Variants in RELN observed in about 807,000 individuals in gnomAD.
RELN encodes reelin.
In RELN, 108 loss-of-function variants were observed where a neutral mutation model predicts 427.6. The ratio of observed to expected loss-of-function variants is 0.25; its 90% CI spans 0.22 to 0.30. RELN has a LOEUF of 0.30. Among genes scored for constraint, RELN ranks in the 10% least tolerant of loss-of-function variants. The probability of loss-of-function intolerance (pLI) is 1.00; values close to 1 mark genes in which losing one functional copy is unlikely to be tolerated. For missense variants in RELN, 3,715 were observed against 4,302.8 expected (o/e 0.86, Z 3.82); for synonymous variants, 1,524 against 1,513.4 (o/e 1.01, Z -0.16).
intron 1 of RELN, among the ~76,000 whole-genome samples, chr7:103,941,841 G>A (rs573720673): frequency 8.6e-5 from 13 of 151,938 alleles, no homozygotes; most frequent in East Asian, 1.9e-4. Flanking sequence ...TCAGGGATCC[G>A]CAGAACACTA....
In RELN at chr7:103,594,326, G is replaced by A. The variant is rs750302438; in HGVS notation, c.3706C>T (p.Pro1236Ser). Reference sequence around the variant, plus strand: ...GTTCAGACATAGGAGAATACCTGAGGTAAAGTTGGATTGATAACTGGGATG... The same window carrying A: ...GTTCAGACATAGGAGAATACCTGAGATAAAGTTGGATTGATAACTGGGATG... ...QIIPVINPTL[P>S]QNFYEKPAFD... The change falls in exon 26 of 65, where the codon CCT becomes TCT. Residue 1236 changes from proline (P) to serine (S), a missense_variant. This residue lies in a region of RELN where 2,208 missense variants were observed against 2,361.7 expected (regional missense o/e 0.93). Coordinates refer to ENST00000428762, the MANE Select transcript of RELN (RefSeq NM_005045.4). The A allele has an allele frequency of 1.5e-5, 24 of 1,613,452 alleles. No homozygotes were observed. The highest frequency in any genetic ancestry group is 1.9e-5 in the Non-Finnish European group (22 of 1,179,594).
intron 31 of RELN, among the ~76,000 whole-genome samples, chr7:103,568,491 C>T (rs1329068543): frequency 1.3e-5 from 2 of 152,174 alleles, no homozygotes; most frequent in East Asian, 3.9e-4. Flanking sequence ...GTTACAGCTT[C>T]TGTTGAATAA....
At chr7:103,556,938 C>G (rs1220856998) in intron 38 of RELN, 39 bp downstream of exon 38, 1 of 1,509,466 alleles carries the variant, frequency 6.6e-7, no homozygotes, top group Non-Finnish European at 9.2e-7. Flanking sequence ...TAACATGCCA[C>G]TATCAGTTCT....
At chr7:103,908,526 A>G (rs934024067) in intron 2 of RELN, among the ~76,000 whole-genome samples, 1 of 152,164 alleles carries the variant, frequency 6.6e-6, no homozygotes, top group Non-Finnish European at 1.5e-5. Flanking sequence ...TCACGTACTG[A>G]GCCACCACGT....
chr7:103,707,664 AATTTTTGT>A (rs1051787716), intron 8 of RELN, among the ~76,000 whole-genome samples: 2 of 152,000 alleles, frequency 1.3e-5, no homozygotes, highest in African/African-American at 4.8e-5. Context: ...ACATCCAGCT[AATTTTTGT>A]ATTCTTAGTA....
At chr7:103,744,410 A>G (rs916793676) in intron 6 of RELN, among the ~76,000 whole-genome samples, 7 of 152,108 alleles carry the variant, frequency 4.6e-5, no homozygotes, top group African/African-American at 1.7e-4. Context: ...AAATAACTAA[A>G]ATCAGAGCAG....
intron 1 of RELN, among the ~76,000 whole-genome samples, chr7:103,930,457 GC>G (rs1396505750): frequency 6.6e-6 from 1 of 151,874 alleles, no homozygotes; most frequent in East Asian, 2.0e-4. Flanking sequence ...GGACAGTTCA[GC>G]CCCCCGTAAT....
At chr7:103,913,647 G>A (rs1203995512) in intron 2 of RELN, among the ~76,000 whole-genome samples, 1 of 151,758 alleles carries the variant, frequency 6.6e-6, no homozygotes, top group Non-Finnish European at 1.5e-5. Flanking sequence ...TTTTTAACTT[G>A]TAAAGAATAT....
In RELN at chr7:103,489,772, C is replaced by A. The variant is rs1378521257; in HGVS notation, c.9733G>T (p.Ala3245Ser). The change falls in exon 60 of 65, where the codon GCC becomes TCC. Residue 3245 changes from alanine to serine, a missense_variant. By Grantham distance (99) the Ala-to-Ser change is moderately conservative. Transcript: ENST00000428762. The part of the protein sequence containing the change: ...CSGHGYCTTG[A>S]ICICDESFQG... ...AAGCTCTCGTCGCAGATGCAGATGG[C>A]ACCGGTCGTGCAGTATCCGTGCCCG... 1.9e-6 allele frequency: 3 copies of A among 1,614,006 alleles called. No homozygotes were observed. In the South Asian group the frequency reaches 3.3e-5, roughly 18 times the overall value.
chr7:103,640,620 G>GA lies in RELN; in HGVS notation c.2003-12dup, dbSNP rs768288120. On this transcript the variant is annotated splice_polypyrimidine_tract_variant and intron_variant, in intron 16 of 64. Coordinates refer to ENST00000428762, the MANE Select transcript of RELN (RefSeq NM_005045.4). This position sits in a 1 kb window ranked among gnomAD's most constrained non-coding sequence, Gnocchi z 4.1. ...ACGGGCCAATATAAACTGTGGGAGG[G>GA]AAAAAGAGAACATAATTACAAAAAC... The GA allele has an allele frequency of 5.0e-6, 8 of 1,613,204 alleles. No homozygotes were observed. In the African/African-American group the frequency reaches 9.4e-5, roughly 19 times the overall value.
At chr7:103,547,453 C>T (rs1008181473) in intron 41 of RELN, among the ~76,000 whole-genome samples, 2 of 152,082 alleles carry the variant, frequency 1.3e-5, no homozygotes, top group Admixed American at 6.5e-5. Flanking sequence ...CCCGCCACCA[C>T]GCCTGGCTAA....
At chr7:103,665,619 ATCTT>A (rs1388487432) in intron 11 of RELN, among the ~76,000 whole-genome samples, 1 of 152,042 alleles carries the variant, frequency 6.6e-6, no homozygotes, top group African/African-American at 2.4e-5. Context: ...TTTGTAAATA[ATCTT>A]TCTTTCTCTC....
chr7:103,964,631 G>C (rs1424710889), intron 1 of RELN, among the ~76,000 whole-genome samples: 2 of 152,154 alleles, frequency 1.3e-5, no homozygotes, highest in African/African-American at 4.8e-5. Flanking sequence ...ACTTTTATTT[G>C]CTTCCCCCTT....
At chr7:103,554,855 C>T (rs1404700079) in intron 38 of RELN, among the ~76,000 whole-genome samples, 1 of 152,130 alleles carries the variant, frequency 6.6e-6, no homozygotes, top group Non-Finnish European at 1.5e-5. Context: ...TCAGTCTATT[C>T]AGGGAGCAAT....
At chr7:103,883,859 A>G (rs1389059795) in intron 2 of RELN, among the ~76,000 whole-genome samples, 1 of 152,218 alleles carries the variant, frequency 6.6e-6, no homozygotes, top group Admixed American at 6.5e-5. Context: ...CATACTGCCC[A>G]AAGTAATTTA....
At chr7:103,714,325 C>T (rs1408650941) in intron 8 of RELN, among the ~76,000 whole-genome samples, 1 of 151,982 alleles carries the variant, frequency 6.6e-6, no homozygotes, top group Admixed American at 6.6e-5. Context: ...CTCTTATTAC[C>T]TTACTGTACA....
intron 34 of RELN, 74 bp downstream of exon 34, chr7:103,565,204 C>T (rs1830721770): frequency 6.6e-7 from 1 of 1,523,882 alleles, no homozygotes; most frequent in Non-Finnish European, 9.1e-7. Context: ...AATCCCCAGG[C>T]CGAATCACAA....
rs540100285 is a variant in RELN at position 103,901,038 on chromosome 7, A to G, written c.337+16037T>C. Among the ~76,000 whole-genome samples the G allele has an allele frequency of 3.0e-3, 451 of 152,130 alleles. 1 individual carries two copies. Among genetic ancestry groups the G allele is most frequent in the African/African-American group, 0.01 (418 of 41,534 alleles). ...GTATTCTTGAAAATTCACACTGTCC[A>G]TACTGTTACAACTCAACAACAAAAA... On this transcript the variant is annotated intron_variant, in intron 2 of 64. Coordinates refer to ENST00000428762, the MANE Select transcript of RELN (RefSeq NM_005045.4).
intron 2 of RELN, among the ~76,000 whole-genome samples, chr7:103,867,814 A>G (rs947843481): frequency 6.6e-6 from 1 of 152,066 alleles, no homozygotes; most frequent in African/African-American, 2.4e-5. Context: ...TAAGAGAGAA[A>G]AAAAATGACC....
Sources: allele counts gnomAD v4.1 joint callset (sites outside exome capture counted in the v4.1 genomes callset), GRCh38; gene constraint gnomAD v4.1.1; regional missense constraint gnomAD v4.1.1; non-coding constraint Gnocchi (gnomAD v3.1); transcripts MANE v1.5; gene names NCBI Gene and HGNC (gene_info 2026-07-23, HGNC 2026-07-21).